Variants in PCDHGA3 observed in about 807,000 individuals in gnomAD.
PCDHGA3 encodes the protein protocadherin gamma subfamily A, 3, also known as protocadherin gamma-A3.
In PCDHGA3, 40 loss-of-function variants were observed where a neutral mutation model predicts 58.5. The observed-to-expected ratio is 0.68, with a 90% CI of 0.53 to 0.89. The LOEUF is 0.89. Ranked by LOEUF, PCDHGA3 falls within the 40% of genes least tolerant of loss-of-function variation. The pLI is 0.00. For missense variants in PCDHGA3, 1,223 were observed against 1,195.9 expected (o/e 1.02, Z -0.33); for synonymous variants, 530 against 525.7 (o/e 1.01, Z -0.11).
chr5:141,474,488 A>C (rs2099350464), intron 1 of PCDHGA3, among the ~76,000 whole-genome samples: 1 of 152,208 alleles, frequency 6.6e-6, no homozygotes. Flanking sequence ...AATGTATTCT[A>C]TCTTCTAATG....
chr5:141,450,258 T>A (rs1267755848), intron 1 of PCDHGA3, among the ~76,000 whole-genome samples: 1 of 152,096 alleles, frequency 6.6e-6, no homozygotes, highest in Non-Finnish European at 1.5e-5. Context: ...CCTCAAGTGA[T>A]CTGCCCACCT....
chr5:141,448,720 C>T (rs545687728), intron 1 of PCDHGA3, among the ~76,000 whole-genome samples: 24 of 152,030 alleles, frequency 1.6e-4, no homozygotes, highest in African/African-American at 5.8e-4. Flanking sequence ...GCGGGAGGAT[C>T]ACGAGGTCAG....
intron 1 of PCDHGA3, chr5:141,418,063 G>C (rs2015825): frequency 1.9e-6 from 3 of 1,613,754 alleles, no homozygotes; most frequent in Admixed American, 1.7e-5. Flanking sequence ...AGCTGCGAGT[G>C]AGCGCGGAGA....
Position 141,376,289 on chromosome 5 carries a change from C to G in PCDHGA3, c.2424+29832C>G, listed in dbSNP as rs778496260. 2.5e-6 allele frequency: 4 copies of G among 1,614,176 alleles called. No individual in the cohort carries two copies. Among genetic ancestry groups the G allele is most frequent in the African/African-American group, 2.7e-5 (2 of 75,056 alleles). ...TTCGGGAGGTGGCTTAGCGAGCATG[C>G]CCGGCTCGCACTTTGTGGGCGTGGA... On this transcript the variant is annotated intron_variant, in intron 1 of 3. Coordinates refer to ENST00000253812, the MANE Select transcript of PCDHGA3 (RefSeq NM_018916.4).
intron 1 of PCDHGA3, chr5:141,415,758 T>G (rs200061978): frequency 0.08 from 111,079 of 1,380,048 alleles, 1,979 homozygotes; most frequent in African/African-American, 0.17. Context: ...TTTTTTTTTT[T>G]TTTTTTTTTT....
At position 141,357,279 on chromosome 5, in the gene PCDHGA3, C is replaced by A; in HGVS notation, c.2424+10822C>A. The A allele has an allele frequency of 1.2e-6, 2 of 1,613,878 alleles. 1 individual carries two copies. The highest frequency in any genetic ancestry group is 4.5e-5 in the East Asian group (2 of 44,878). On this transcript the variant is annotated intron_variant, in intron 1 of 3. Transcript: ENST00000253812. ...ACGACTCGGGCCTCACACTCTATCT[C>A]GTGGTGGCAGTGGCCGCTGTCTCCT...
chr5:141,355,172 A>G, intron 1 of PCDHGA3: 1 of 1,572,422 alleles, frequency 6.4e-7, no homozygotes, highest in African/African-American at 1.4e-5. Flanking sequence ...GGAAAACCGA[A>G]GCACAGGCGA....
intron 1 of PCDHGA3, chr5:141,351,691 G>A: frequency 6.2e-7 from 1 of 1,613,980 alleles, no homozygotes; most frequent in African/African-American, 1.3e-5. Flanking sequence ...ACCCGGATTT[G>A]GGACCCAACG....
intron 3 of PCDHGA3, among the ~76,000 whole-genome samples, chr5:141,509,015 C>T (rs1370464396): frequency 6.6e-6 from 1 of 152,098 alleles, no homozygotes; most frequent in East Asian, 1.9e-4. Flanking sequence ...AAGTGGGCAG[C>T]TGCTCCCTCC....
chr5:141,449,622 T>A (rs889336036), intron 1 of PCDHGA3, among the ~76,000 whole-genome samples: 1 of 150,910 alleles, frequency 6.6e-6, no homozygotes, highest in African/African-American at 2.4e-5. Context: ...AAAAGTTTTT[T>A]AAAAAGATGT....
chr5:141,482,470 C>T (rs768383368), intron 1 of PCDHGA3, among the ~76,000 whole-genome samples: 8 of 137,876 alleles, frequency 5.8e-5, no homozygotes, highest in Non-Finnish European at 1.2e-4. Flanking sequence ...ATGTGCCAGA[C>T]ACTGTAAACA....
intron 1 of PCDHGA3, chr5:141,387,669 T>A: frequency 1.4e-6 from 1 of 693,784 alleles, no homozygotes; most frequent in East Asian, 2.8e-5. Context: ...GCGCTCCAGA[T>A]CTCCTCGCGC....
intron 1 of PCDHGA3, chr5:141,350,978 A>G (rs1464156311): frequency 6.2e-7 from 1 of 1,613,956 alleles, no homozygotes; most frequent in African/African-American, 1.3e-5. Flanking sequence ...TCCCGTGTTT[A>G]GCCAGGAGGT....
intron 1 of PCDHGA3, chr5:141,384,826 G>C (rs750050142): frequency 6.2e-7 from 1 of 1,613,472 alleles, no homozygotes; most frequent in Non-Finnish European, 8.5e-7. Flanking sequence ...GCAGAGCCTC[G>C]TGGTGGCCGT....
chr5:141,383,170 G>A (rs1453801684), intron 1 of PCDHGA3: 2 of 1,614,008 alleles, frequency 1.2e-6, no homozygotes, highest in African/African-American at 2.7e-5. Flanking sequence ...GGGCAGGATA[G>A]ACCGGGAAGA....
rs1226194073 is a variant in PCDHGA3, at chr5:141,490,496, A to G, written c.2425-4311A>G. The G allele has an allele frequency of 6.2e-7, 1 of 1,614,096 alleles. No individual in the cohort carries two copies. Among genetic ancestry groups the G allele is most frequent in the East Asian group, 2.2e-5 (1 of 44,894 alleles). On this transcript the variant is annotated intron_variant, in intron 1 of 3. Coordinates refer to ENST00000253812, the MANE Select transcript of PCDHGA3 (RefSeq NM_018916.4). The surrounding 1 kb of genome is among the most constrained non-coding windows in gnomAD (Gnocchi z 5.4). ...CCTTTGGACCGGGAGGCCACATCCCACTATATCATCGAGCTGCTGGCCAGC... is the reference window on the plus strand; with the variant it reads ...CCTTTGGACCGGGAGGCCACATCCCGCTATATCATCGAGCTGCTGGCCAGC...
chr5:141,355,308 T>C, intron 1 of PCDHGA3: 1 of 1,613,914 alleles, frequency 6.2e-7, no homozygotes, highest in Non-Finnish European at 8.5e-7. Flanking sequence ...ACTCGGTGTT[T>C]GAGGAGCAGG....
At position 141,511,148 on chromosome 5, in the gene PCDHGA3, A is replaced by C; in HGVS notation, c.2774A>C (p.Lys925Thr). Residue 925 changes from lysine to threonine, a missense_variant, in exon 4 of 4, where the codon AAG (lysine) becomes ACG (threonine). Coordinates refer to ENST00000253812, the MANE Select transcript of PCDHGA3 (RefSeq NM_018916.4). ...APAGGNGNKKKSGKKEKK is the reference protein window; with the variant it reads ...APAGGNGNKKTSGKKEKK ...GCAGGTGGCAATGGCAACAAGAAGA[A>C]GTCGGGCAAGAAGGAGAAGAAGTAA... is the stretch of plus-strand genomic sequence containing the variant. The C allele has an allele frequency of 6.2e-7, 1 of 1,614,202 alleles. No individual in the cohort carries two copies. Among genetic ancestry groups the C allele is most frequent in the East Asian group, 2.2e-5 (1 of 44,882 alleles).
rs115262984 is a variant in PCDHGA3 at position 141,463,089 on chromosome 5, C to T, written c.2425-31718C>T. ...AATGAAATTCAAACATTTTCCAGCC[C>T]TATGTGACCATCAAGAATTCAGCTA... On this transcript the variant is annotated intron_variant, in intron 1 of 3. Coordinates refer to ENST00000253812, the MANE Select transcript of PCDHGA3 (RefSeq NM_018916.4). Among the ~76,000 whole-genome samples the T allele has an allele frequency of 2.5e-3, 374 of 152,264 alleles. 2 individuals are homozygous for T. Among genetic ancestry groups the T allele is most frequent in the African/African-American group, 8.7e-3 (360 of 41,552 alleles).
Sources: allele counts gnomAD v4.1 joint callset (sites outside exome capture counted in the v4.1 genomes callset), GRCh38; gene constraint gnomAD v4.1.1; non-coding constraint Gnocchi (gnomAD v3.1); transcripts MANE v1.5; gene names NCBI Gene and HGNC (gene_info 2026-07-23, HGNC 2026-07-21).